VDR: variants seen among roughly 807,000 people sequenced by gnomAD.
The protein encoded by VDR is vitamin D3 receptor.
A neutral mutation model predicts 39.7 loss-of-function variants in VDR; 19 were observed. That is an observed-to-expected ratio of 0.48 (90% confidence interval 0.33 to 0.70). VDR has a LOEUF of 0.70. VDR is among the 30% of genes least tolerant of loss of function. VDR has a pLI of 0.02. For missense variants in VDR, 442 were observed against 570.5 expected, an observed-to-expected ratio of 0.77 and a Z score of 2.29; for synonymous variants, 242 against 215.8, an observed-to-expected ratio of 1.12 and a Z score of -1.07.
rs139949521 is a variant in VDR at position 47,846,689 on chromosome 12, T to A, written c.875A>T (p.Asp292Val). 2.5e-6 allele frequency: 4 copies of A among 1,613,914 alleles called. No homozygotes were observed. The African/African-American group carries it at 5.3e-5, about 22-fold the overall frequency. The part of the protein sequence containing the change: ...DDMSWTCGNQ[D>V]YKYRVSDVTK... ...CACGTCACTGACGCGGTACTTGTAG[T>A]CTTGGTTGCCACAGGTCCAGGACAT... is the stretch of plus-strand genomic sequence containing the variant. The change falls in exon 8 of 10, where the codon GAC becomes GTC. Residue 292 changes from aspartate (D) to valine (V), a missense_variant. Asp to Val is a radical substitution (Grantham distance 152). Transcript: ENST00000549336.
At chr12:47,900,096 T>C in intron 1 of VDR, 1 of 303,544 alleles carries the variant, frequency 3.3e-6, no homozygotes, top group Non-Finnish European at 4.9e-6. Flanking sequence ...CCTTCCAGAC[T>C]ATTAGAGTCA....
At chr12:47,850,789 T>A (rs1349294422) in intron 7 of VDR, among the ~76,000 whole-genome samples, 1 of 151,452 alleles carries the variant, frequency 6.6e-6, no homozygotes, top group Middle Eastern at 3.2e-3. Context: ...TGCAGCCGCT[T>A]CTGGGCACCC....
rs927571018 is a variant in VDR at position 47,899,929 on chromosome 12, C to A, written c.-84+5026G>T. The A allele has an allele frequency of 9.1e-6, 9 of 985,518 alleles. No individual in the cohort carries two copies. In the African/African-American group the frequency reaches 1.4e-4, roughly 15 times the overall value. 61.0% of individuals were successfully genotyped at this position (985,518 alleles called of 1,614,324 possible). A position where few individuals can be genotyped will look rare whatever the true frequency, so the allele number is the denominator to read the frequency against. On this transcript the variant is annotated intron_variant, in intron 1 of 9. Transcript: ENST00000549336. ...TATCAGAGGAGGCTAGAGTCCATTT[C>A]TCCGTCCAGCTGGGCTAGGTTCAGG...
chr12:47,895,196 G>C (rs917922902), intron 1 of VDR, among the ~76,000 whole-genome samples: 1 of 152,202 alleles, frequency 6.6e-6, no homozygotes, highest in Non-Finnish European at 1.5e-5. Context: ...AGGTAAAAAG[G>C]GGAAGGCTGT....
intron 1 of VDR, among the ~76,000 whole-genome samples, chr12:47,892,994 A>G (rs189541907): frequency 2.0e-4 from 30 of 152,288 alleles, no homozygotes; most frequent in Admixed American, 1.5e-3. Flanking sequence ...GGGAAAGAAC[A>G]TGTTTGGGAC....
chr12:47,891,145 C>A (rs957378583), intron 1 of VDR, among the ~76,000 whole-genome samples: 6 of 152,208 alleles, frequency 3.9e-5, no homozygotes, highest in Admixed American at 3.9e-4. Context: ...TGGGATCAGA[C>A]CCCTTGCCTT....
chr12:47,861,313 T>C (rs1400842101), intron 4 of VDR, among the ~76,000 whole-genome samples: 1 of 152,268 alleles, frequency 6.6e-6, no homozygotes, highest in Non-Finnish European at 1.5e-5. Flanking sequence ...CCCTATAACA[T>C]GATTCCTCCC....
chr12:47,868,012 C>A (rs1945773761), intron 3 of VDR, among the ~76,000 whole-genome samples: 2 of 152,156 alleles, frequency 1.3e-5, no homozygotes. Context: ...ACAGAGGGCC[C>A]AAGAGACCGT....
At chr12:47,871,223 A>G (rs3819545) in intron 3 of VDR, among the ~76,000 whole-genome samples, 54,909 of 151,904 alleles carry the variant, frequency 0.36, 10,544 homozygotes, top group East Asian at 0.7. Context: ...CTGTCTGGAG[A>G]AGCCAAAGAC....
intron 1 of VDR, among the ~76,000 whole-genome samples, chr12:47,891,780 A>G (rs1383688700): frequency 2.0e-5 from 3 of 151,798 alleles, no homozygotes; most frequent in Admixed American, 6.6e-5. Context: ...CACCTCCCCC[A>G]TCATCAAGTG....
At chr12:47,878,675 C>A in intron 3 of VDR, 1 of 485,834 alleles carries the variant, frequency 2.1e-6, no homozygotes, top group South Asian at 1.7e-5. Flanking sequence ...GAAGGATGGA[C>A]ACGTGGGTTG....
intron 2 of VDR, among the ~76,000 whole-genome samples, chr12:47,880,996 C>A (rs1946139288): frequency 6.7e-6 from 1 of 150,096 alleles, no homozygotes; most frequent in African/African-American, 2.4e-5. Flanking sequence ...GAAGCACTTT[C>A]AGAAAGAGAA....
chr12:47,869,131 A>G (rs1416966156), intron 3 of VDR, among the ~76,000 whole-genome samples: 2 of 152,048 alleles, frequency 1.3e-5, no homozygotes, highest in African/African-American at 4.8e-5. Flanking sequence ...TCTTTCTCTC[A>G]TTTTTCTCAT....
In VDR at chr12:47,881,119, T is replaced by TAC. The variant is rs59578257; in HGVS notation, c.-3+1573_-3+1574dup. Among the ~76,000 whole-genome samples, 1,060 of 148,876 alleles carry TAC rather than the reference T, an allele frequency of 7.1e-3. 3 individuals carry two copies. The highest frequency in any genetic ancestry group is 0.011 in the Non-Finnish European group (738 of 67,132). On this transcript the variant is annotated intron_variant, in intron 2 of 9. Coordinates refer to ENST00000549336, the MANE Select transcript of VDR (RefSeq NM_000376.3). ...GTGTGTGTGTGTATATATATATATA[T>TAC]ACACACACATATACTGTCCTTTTTA...
In VDR at chr12:47,853,862, C is replaced by T. The variant is rs1749876570; in HGVS notation, c.755+1768G>A. Among the ~76,000 whole-genome samples the T allele has an allele frequency of 2.0e-5, 3 of 151,942 alleles. No homozygotes were observed. In the South Asian group the frequency reaches 6.2e-4, roughly 31 times the overall value. ...GCTTGAACCTGGAAGGCGGAGGTTGCAGTGAGCTGAGATCGCGCCATTGCA... is the reference window on the plus strand; with the variant it reads ...GCTTGAACCTGGAAGGCGGAGGTTGTAGTGAGCTGAGATCGCGCCATTGCA... On this transcript the variant is annotated intron_variant, in intron 7 of 9. Coordinates refer to ENST00000549336, the MANE Select transcript of VDR (RefSeq NM_000376.3).
intron 4 of VDR, among the ~76,000 whole-genome samples, chr12:47,863,399 A>G (rs1945664157): frequency 2.0e-5 from 3 of 152,216 alleles, no homozygotes; most frequent in African/African-American, 7.2e-5. Context: ...CTCCTGTGGC[A>G]GTGCCTTACG....
chr12:47,850,973 C>T (rs182464089), intron 7 of VDR, among the ~76,000 whole-genome samples: 7 of 152,096 alleles, frequency 4.6e-5, no homozygotes, highest in Non-Finnish European at 8.8e-5. Context: ...ACACCAAATC[C>T]CTGGATGCCA....
chr12:47,860,915 C>G (rs1268242790), intron 4 of VDR, among the ~76,000 whole-genome samples: 1 of 152,222 alleles, frequency 6.6e-6, no homozygotes, highest in East Asian at 1.9e-4. Context: ...GTTTTTCTAT[C>G]TATAAGGCAC....
intron 3 of VDR, 39 bp downstream of exon 3, chr12:47,878,929 C>T: frequency 6.2e-7 from 1 of 1,614,048 alleles, no homozygotes; most frequent in Non-Finnish European, 8.5e-7. Flanking sequence ...CTTCTTCTCC[C>T]TCCCTTTCCA....
Sources: gnomAD v4.1 joint callset for allele counts (sites outside exome capture counted in the v4.1 genomes callset) on GRCh38, gnomAD v4.1.1 for gene constraint, MANE v1.5 for transcripts, NCBI Gene and HGNC (gene_info 2026-07-23, HGNC 2026-07-21) for gene names.